NFATC3: variants seen among roughly 807,000 people sequenced by gnomAD.
NFATC3 encodes the protein nuclear factor of activated T cells 3.
Under a neutral mutation model 98.6 loss-of-function variants are expected in NFATC3, and 46 were observed. The ratio of observed to expected loss-of-function variants is 0.47; its 90% confidence interval spans 0.37 to 0.60. The LOEUF is 0.60. Ranked by LOEUF, NFATC3 falls within the 20% of genes least tolerant of loss-of-function variation. NFATC3 has a pLI of 0.00. For synonymous variants in NFATC3, 512 were observed against 472.2 expected (o/e 1.08, Z -1.09); for missense variants, 1,256 against 1,295.5 (o/e 0.97, Z 0.47).
intron 2 of NFATC3, among the ~76,000 whole-genome samples, chr16:68,123,729 G>T (rs1420545692): frequency 6.6e-6 from 1 of 151,968 alleles, no homozygotes; most frequent in East Asian, 1.9e-4. Context: ...GCCAGGCGTG[G>T]TGTCTCATGC....
rs1428822263 is a variant in NFATC3, at chr16:68,227,243, T to C, written c.*772T>C. 6.6e-6 allele frequency: 1 copy of C among 152,196 alleles called. No individual in the cohort carries two copies. Among genetic ancestry groups the C allele is most frequent in the Non-Finnish European group, 1.5e-5 (1 of 68,034 alleles). 9.4% of individuals were successfully genotyped at this position (152,196 alleles called of 1,614,324 possible). ...CAGGACCCTGGGTAAGATGGCTACA[T>C]TTAAGGTGACTCTGAATGGTGGGGT... On this transcript the variant is annotated 3_prime_UTR_variant, in exon 10 of 10. Coordinates refer to ENST00000346183, the MANE Select transcript of NFATC3 (RefSeq NM_173165.3).
chr16:68,183,894 C>G (rs997962900), intron 8 of NFATC3, among the ~76,000 whole-genome samples: 1 of 151,132 alleles, frequency 6.6e-6, no homozygotes, highest in Non-Finnish European at 1.5e-5. Flanking sequence ...GTCGTCCCAG[C>G]TACTCAGGAG....
At chr16:68,140,785 A>C (rs1400997956) in intron 3 of NFATC3, among the ~76,000 whole-genome samples, 1 of 152,174 alleles carries the variant, frequency 6.6e-6, no homozygotes, top group Non-Finnish European at 1.5e-5. Context: ...ATAGTATGTT[A>C]ATGAATTATT....
rs1472536065 is a variant in NFATC3, at chr16:68,159,659, G to A, written c.1601+1591G>A. Reference sequence around the variant, plus strand: ...AGGATGGTCTTGATCTCCTGACCTCGTGATCCACCCACCTCGGCCTCCTGA... The same window carrying A: ...AGGATGGTCTTGATCTCCTGACCTCATGATCCACCCACCTCGGCCTCCTGA... On this transcript the variant is annotated intron_variant, in intron 4 of 9. Transcript: ENST00000346183. 1.1e-4 allele frequency among the ~76,000 whole-genome samples: 16 copies of A among 151,588 alleles called. No homozygotes were observed. The East Asian group carries it at 2.4e-3, about 23-fold the overall frequency.
chr16:68,226,550 C>T lies in NFATC3; in HGVS notation c.*79C>T. On this transcript the variant is annotated 3_prime_UTR_variant, in exon 10 of 10. Coordinates refer to ENST00000346183, the MANE Select transcript of NFATC3 (RefSeq NM_173165.3). ...CTTGGACCTTGGGTTTCCAACTCTG[C>T]AGCCTTCAGGTCTGGGGCCAGGAGT... 2.1e-6 allele frequency: 3 copies of T among 1,416,906 alleles called. No homozygotes were observed. The highest frequency in any genetic ancestry group is 1.7e-5 in the South Asian group (1 of 59,528). 87.8% of individuals were successfully genotyped at this position (1,416,906 alleles called of 1,614,324 possible). A position where few individuals can be genotyped will look rare whatever the true frequency, so the allele number is the denominator to read the frequency against.
At position 68,117,420 on chromosome 16, in the gene NFATC3, A is replaced by G. The variant is rs575580286; in HGVS notation, c.104-4567A>G. Among the ~76,000 whole-genome samples, 58 of 152,278 alleles carry G rather than the reference A, an allele frequency of 3.8e-4. 2 individuals carry two copies. In the South Asian group the frequency reaches 0.011, roughly 29 times the overall value. On this transcript the variant is annotated intron_variant, in intron 1 of 9. Transcript: ENST00000346183. ...TTCCCATCTCGCAAGGCCTTACTTG[A>G]CTAGCCTCTCCCTGAGCACCCCTAG...
At chr16:68,126,742 C>A in intron 3 of NFATC3, 132 bp downstream of exon 3, 1 of 769,822 alleles carries the variant, frequency 1.3e-6, no homozygotes, top group Non-Finnish European at 2.0e-6. Context: ...GTTTTGGGGG[C>A]TTGTTGATGT....
At chr16:68,100,786 T>C (rs76125094) in intron 1 of NFATC3, among the ~76,000 whole-genome samples, 7,443 of 152,054 alleles carry the variant, frequency 0.049, 527 homozygotes, top group African/African-American at 0.16. Flanking sequence ...GACCATTGTT[T>C]TATGTGATTT....
intron 1 of NFATC3, among the ~76,000 whole-genome samples, chr16:68,109,304 A>C (rs994352917): frequency 6.6e-6 from 1 of 152,174 alleles, no homozygotes; most frequent in Non-Finnish European, 1.5e-5. Flanking sequence ...ATTTTATCGA[A>C]GGCCTTTTCT....
intron 1 of NFATC3, among the ~76,000 whole-genome samples, chr16:68,095,134 G>T (rs998359597): frequency 2.6e-5 from 4 of 151,992 alleles, no homozygotes; most frequent in African/African-American, 9.7e-5. Context: ...TGCTGGGAGG[G>T]GGTCAACCAA....
At chr16:68,197,538 T>C (rs932594625) in intron 9 of NFATC3, among the ~76,000 whole-genome samples, 3 of 152,320 alleles carry the variant, frequency 2.0e-5, no homozygotes, top group South Asian at 4.2e-4. Flanking sequence ...GGAAGATCAC[T>C]TGAGCCTAGT....
chr16:68,108,165 G>A (rs888971766), intron 1 of NFATC3, among the ~76,000 whole-genome samples: 1 of 152,052 alleles, frequency 6.6e-6, no homozygotes, highest in Non-Finnish European at 1.5e-5. Context: ...TGTCCTGAAT[G>A]GTATTTATTG....
chr16:68,192,274 T>C (rs1156654158), intron 9 of NFATC3: 6 of 138,694 alleles, frequency 4.3e-5, no homozygotes, highest in Admixed American at 3.7e-4. Flanking sequence ...TATATATATG[T>C]ATGTGTATAT....
intron 8 of NFATC3, among the ~76,000 whole-genome samples, chr16:68,189,691 T>C (rs1333365737): frequency 2.6e-5 from 4 of 152,334 alleles, no homozygotes; most frequent in South Asian, 2.1e-4. Context: ...CAGCAGTGTT[T>C]TGTAGTTTTC....
At chr16:68,174,813 A>C (rs2039612900) in intron 6 of NFATC3, among the ~76,000 whole-genome samples, 1 of 152,116 alleles carries the variant, frequency 6.6e-6, no homozygotes, top group Non-Finnish European at 1.5e-5. Context: ...GTGGCACTTC[A>C]CTCCTCAGCC....
chr16:68,181,919 C>G (rs2039964258), intron 7 of NFATC3, among the ~76,000 whole-genome samples: 1 of 151,810 alleles, frequency 6.6e-6, no homozygotes, highest in Non-Finnish European at 1.5e-5. Context: ...AGAGTGAGAC[C>G]CTGTCTAAAA....
intron 3 of NFATC3, among the ~76,000 whole-genome samples, chr16:68,139,421 A>AT (rs2096493215): frequency 6.6e-6 from 1 of 152,216 alleles, no homozygotes; most frequent in Non-Finnish European, 1.5e-5. Context: ...ATGTAGCAGA[A>AT]TAAGATATCT....
chr16:68,132,830 A>G (rs2037185579), intron 3 of NFATC3, among the ~76,000 whole-genome samples: 2 of 152,306 alleles, frequency 1.3e-5, no homozygotes, highest in African/African-American at 2.4e-5. Flanking sequence ...GCTCATAGAA[A>G]TAGAATTTTC....
chr16:68,105,429 A>T (rs1413789974), intron 1 of NFATC3, among the ~76,000 whole-genome samples: 2 of 152,092 alleles, frequency 1.3e-5, no homozygotes, highest in East Asian at 3.9e-4. Flanking sequence ...ATGGTATATT[A>T]TATCAGTTGA....
Sources: allele counts gnomAD v4.1 joint callset (sites outside exome capture counted in the v4.1 genomes callset), GRCh38; gene constraint gnomAD v4.1.1; transcripts MANE v1.5; gene names NCBI Gene and HGNC (gene_info 2026-07-23, HGNC 2026-07-21).